NME9: variants seen among roughly 807,000 people sequenced by gnomAD.
The protein encoded by NME9 is thioredoxin domain-containing protein 6.
Under a neutral mutation model 44.4 loss-of-function variants are expected in NME9, and 48 were observed. That is an observed-to-expected ratio of 1.08 (90% confidence interval 0.86 to 1.37). The LOEUF (loss-of-function observed/expected upper bound fraction) is 1.37, where lower values mean the gene tolerates loss of function less well. Ranked by LOEUF, NME9 falls within the 40% of genes most tolerant of loss-of-function variation. The probability of loss-of-function intolerance (pLI) is 0.00; values close to 1 mark genes in which losing one functional copy is unlikely to be tolerated. For synonymous variants in NME9, 139 were observed against 147.1 expected, an observed-to-expected ratio of 0.94 and a Z score of 0.40; for missense variants, 325 against 405.2, an observed-to-expected ratio of 0.80 and a Z score of 1.70.
At position 138,276,443 on chromosome 3, in the gene NME9, A is replaced by G. The variant is rs749870616; in HGVS notation, c.746-13857T>C. On this transcript the variant is annotated intron_variant, in intron 8 of 8. Coordinates refer to the NME9 transcript ENST00000317876. ...TCCATTTGTACCACTCCTGTTCAAC[A>G]TTGTGCTGGAATTCCTACCAAGCAC... Among the ~76,000 whole-genome samples the G allele has an allele frequency of 1.2e-3, 177 of 152,310 alleles. 4 individuals are homozygous for G. Among genetic ancestry groups the G allele is most frequent in the Non-Finnish European group, 3.5e-4 (24 of 68,024 alleles).
At chr3:138,308,987 T>C (rs1237859675) in intron 6 of NME9, among the ~76,000 whole-genome samples, 2 of 145,298 alleles carry the variant, frequency 1.4e-5, no homozygotes, top group Non-Finnish European at 3.0e-5. Context: ...CCAAGAATAC[T>C]GTACCCAGCA....
rs1420438321 is a variant in NME9, at chr3:138,315,580, C to G, written c.331G>C (p.Asp111His). Residue 111 changes from aspartate to histidine, a missense_variant, in exon 5 of 11, where the codon GAC (aspartate) becomes CAC (histidine). By Grantham distance (81) the Asp-to-His change is moderately conservative. Coordinates refer to ENST00000333911, the MANE Select transcript of NME9 (RefSeq NM_001349018.2). ...NAPLLQKTIL[D>H]QLEAEKKVLA... ...ACTTTCTTTTCGGCCTCCAGCTGGTCTAGGATGGTTTTCTGCAGCAGTGGG... is the reference window on the plus strand; with the variant it reads ...ACTTTCTTTTCGGCCTCCAGCTGGTGTAGGATGGTTTTCTGCAGCAGTGGG... 1 of 1,536,696 alleles carries G rather than the reference C, an allele frequency of 6.5e-7. No homozygotes were observed. The highest frequency in any genetic ancestry group is 8.7e-7 in the Non-Finnish European group (1 of 1,147,026).
chr3:138,290,496 A>G, intron 8 of NME9: 2 of 1,332,950 alleles, frequency 1.5e-6, no homozygotes, highest in Non-Finnish European at 2.1e-6. Flanking sequence ...TACATCAAAG[A>G]GAGCATTTGC....
At chr3:138,271,032 G>A (rs2048739924) in intron 8 of NME9, among the ~76,000 whole-genome samples, 1 of 152,124 alleles carries the variant, frequency 6.6e-6, no homozygotes, top group Non-Finnish European at 1.5e-5. Flanking sequence ...GAATTGTGAA[G>A]GTGAAGGCCT....
rs2053018451 is a variant in NME9, at chr3:138,315,606, G to C, written c.305C>G (p.Ala102Gly). The change falls in exon 5 of 11, where the codon GCC (alanine) becomes GGC (glycine). Residue 102 changes from alanine (A) to glycine (G), a missense_variant. Coordinates refer to ENST00000333911, the MANE Select transcript of NME9 (RefSeq NM_001349018.2). ...ELVAVVRGAN[A>G]PLLQKTILDQ... The stretch of plus-strand genomic sequence containing the variant: ...TAGGATGGTTTTCTGCAGCAGTGGG[G>C]CATTTGCTCCTCTAACCACAGCCAC... 1.3e-6 allele frequency: 2 copies of C among 1,536,636 alleles called. No individual in the cohort carries two copies. Among genetic ancestry groups the C allele is most frequent in the Non-Finnish European group, 1.7e-6 (2 of 1,146,988 alleles).
intron 1 of NME9, chr3:138,327,050 G>A (rs2053840393): frequency 6.6e-6 from 1 of 150,564 alleles, no homozygotes; most frequent in Non-Finnish European, 1.5e-5. Flanking sequence ...CAGCTACTCG[G>A]GAGGCTGAGA....
rs760258102 is a variant in NME9, at chr3:138,306,415, C to T, written c.526G>A (p.Asp176Asn). Residue 176 changes from aspartate to asparagine, a missense_variant, in exon 7 of 11, where the codon GAT (aspartate) becomes AAT (asparagine). Coordinates refer to ENST00000333911, the MANE Select transcript of NME9 (RefSeq NM_001349018.2). Reference protein sequence around the residue: ...KPDAVAHGKTDEIIMKIQEAG... With the variant: ...KPDAVAHGKTNEIIMKIQEAG... ...TCTCTTACCTTCATGATAATCTCAT[C>T]AGTCTTTCCATGGGCCACTGCATCT... The T allele has an allele frequency of 3.1e-6, 5 of 1,611,978 alleles. No homozygotes were observed. The highest frequency in any genetic ancestry group is 4.2e-6 in the Non-Finnish European group (5 of 1,178,004).
chr3:138,284,307 G>T, intron 8 of NME9: 1 of 694,464 alleles, frequency 1.4e-6, no homozygotes, highest in Non-Finnish European at 2.6e-6. Context: ...AGAAATCAGG[G>T]CATTGAGAGT....
chr3:138,282,088 C>G (rs2049984240), intron 8 of NME9, among the ~76,000 whole-genome samples: 1 of 152,142 alleles, frequency 6.6e-6, no homozygotes, highest in Admixed American at 6.5e-5. Context: ...TACCTGTGTT[C>G]CCTAGATTGG....
chr3:138,285,065 C>T (rs2050275105), intron 8 of NME9, among the ~76,000 whole-genome samples: 1 of 152,236 alleles, frequency 6.6e-6, no homozygotes, highest in Non-Finnish European at 1.5e-5. Context: ...GAAGCCTCCC[C>T]TTGTCACACC....
chr3:138,274,806 G>T (rs1391164271), intron 8 of NME9, among the ~76,000 whole-genome samples: 5 of 152,184 alleles, frequency 3.3e-5, no homozygotes, highest in African/African-American at 1.2e-4. Context: ...TACAGGAGCA[G>T]TCACCTTTCA....
At position 138,318,170 on chromosome 3, in the gene NME9, T is replaced by C. The variant is rs2053217652; in HGVS notation, c.245A>G (p.Glu82Gly). Residue 82 changes from glutamate (E) to glycine (G), a missense_variant, in exon 4 of 11, where the codon GAG (glutamate) becomes GGG (glycine). By Grantham distance (98) the Glu-to-Gly change is moderately conservative. Coordinates refer to ENST00000333911, the MANE Select transcript of NME9 (RefSeq NM_001349018.2). ...DVLEKYRGKC[E>G]PTFLFYAGGE... ...TACTGCATAAAACAGAAAGGTTGGC[T>C]CGCACTTCCCTCTGTACTTTTCGAG... The C allele has an allele frequency of 6.2e-7, 1 of 1,611,172 alleles. No individual in the cohort carries two copies. The highest frequency in any genetic ancestry group is 8.5e-7 in the Non-Finnish European group (1 of 1,177,396).
chr3:138,264,062 G>A (rs1253175991), intron 8 of NME9: 1 of 1,416,924 alleles, frequency 7.1e-7, no homozygotes, highest in East Asian at 2.3e-5. Flanking sequence ...ATTGTAAAAT[G>A]CCAGCCAGTT....
At chr3:138,299,816 C>G (rs2051748379), downstream of NME9, among the ~76,000 whole-genome samples, 1 of 152,206 alleles carries the variant, frequency 6.6e-6, no homozygotes, top group East Asian at 1.9e-4. Flanking sequence ...CTCTCCCCTG[C>G]TTTGGGAGGT....
At chr3:138,300,603 C>T (rs564555460), downstream of NME9, among the ~76,000 whole-genome samples, 1 of 152,292 alleles carries the variant, frequency 6.6e-6, no homozygotes, top group Admixed American at 6.5e-5. Context: ...TGTGTCCCTC[C>T]AGGGAAGAAC....
rs1045169319 is a variant in NME9, at chr3:138,262,729, G to A, written c.746-143C>T. ...GTAATTCTTCTGCAAGGACAACCAA[G>A]GTTAAGATCTATTGGTCTAGGTATT... On this transcript the variant is annotated intron_variant, in intron 8 of 8. Coordinates refer to the NME9 transcript ENST00000317876. The A allele has an allele frequency of 1.8e-5, 15 of 851,236 alleles. No homozygotes were observed. The African/African-American group carries it at 2.1e-4, about 12-fold the overall frequency. 52.7% of individuals were successfully genotyped at this position (851,236 alleles called of 1,614,324 possible).
chr3:138,262,613 A>AAT, intron 8 of NME9: 1 of 1,497,216 alleles, frequency 6.7e-7, no homozygotes, highest in Non-Finnish European at 9.0e-7. Context: ...AAAAAAAAAA[A>AAT]TTTAGGTGCC....
chr3:138,321,236 C>G (rs1024103570), intron 2 of NME9, among the ~76,000 whole-genome samples: 10 of 152,208 alleles, frequency 6.6e-5, no homozygotes, highest in African/African-American at 2.4e-4. Flanking sequence ...ACACTACAGA[C>G]TGGGCAGTTT....
chr3:138,277,905 A>G (rs2049462351), intron 8 of NME9, among the ~76,000 whole-genome samples: 1 of 152,188 alleles, frequency 6.6e-6, no homozygotes, highest in Non-Finnish European at 1.5e-5. Context: ...ATAATGGGAT[A>G]TCACAGTCAC....
Sources: gnomAD v4.1 joint callset for allele counts (sites outside exome capture counted in the v4.1 genomes callset) on GRCh38, gnomAD v4.1.1 for gene constraint, MANE v1.5 for transcripts, NCBI Gene and HGNC (gene_info 2026-07-23, HGNC 2026-07-21) for gene names.